HSD17B2: variants seen among roughly 807,000 people sequenced by gnomAD.
The protein encoded by HSD17B2 is 17-beta-hydroxysteroid dehydrogenase type 2.
Under a neutral mutation model 26.9 loss-of-function variants are expected in HSD17B2, and 32 were observed. The ratio of observed to expected loss-of-function variants is 1.19; its 90% CI spans 0.90 to 1.60. HSD17B2 has a LOEUF of 1.60. Ranked by LOEUF, HSD17B2 falls within the 40% of genes most tolerant of loss-of-function variation. The pLI is 0.00. For missense variants in HSD17B2, 613 were observed against 468.6 expected, an observed-to-expected ratio of 1.31 and a Z score of -2.85; for synonymous variants, 246 against 186.7, an observed-to-expected ratio of 1.32 and a Z score of -2.59.
intron 1 of HSD17B2, among the ~76,000 whole-genome samples, chr16:82,053,976 T>C (rs1440472691): frequency 1.3e-5 from 2 of 152,204 alleles, no homozygotes; most frequent in African/African-American, 2.4e-5. Flanking sequence ...AAGGTCACCA[T>C]GCTCATTAAG....
rs540087220 is a variant in HSD17B2, at chr16:82,061,211, T to C, written c.266-6959T>C. 4.6e-5 allele frequency among the ~76,000 whole-genome samples: 7 copies of C among 151,944 alleles called. No homozygotes were observed. In the South Asian group the frequency reaches 1.0e-3, roughly 23 times the overall value. On this transcript the variant is annotated intron_variant, in intron 1 of 4. Coordinates refer to ENST00000199936, the MANE Select transcript of HSD17B2 (RefSeq NM_002153.3). ...AGGCAGAGGATGCAGTAAGCCAAGA[T>C]TGTGCCACTGCACTCAAGCCTGGGT...
chr16:82,038,139 T>C (rs1033835566), intron 1 of HSD17B2, among the ~76,000 whole-genome samples: 1 of 152,138 alleles, frequency 6.6e-6, no homozygotes, highest in Non-Finnish European at 1.5e-5. Context: ...CAAAGACAAA[T>C]TTAAAAAAAT....
chr16:82,095,266 G>C (rs1270726408), intron 4 of HSD17B2: 1 of 152,204 alleles, frequency 6.6e-6, no homozygotes, highest in Admixed American at 6.5e-5. Context: ...TAATTGTCAT[G>C]ATAATCATTT....
At chr16:82,078,791 T>C (rs920511727) in intron 3 of HSD17B2, among the ~76,000 whole-genome samples, 2 of 152,238 alleles carry the variant, frequency 1.3e-5, no homozygotes, top group African/African-American at 4.8e-5. Context: ...ACTTCACATG[T>C]TCTCACTTAT....
At position 82,084,543 on chromosome 16, in the gene HSD17B2, T is replaced by A. The variant is rs574075043; in HGVS notation, c.665-6359T>A. Among the ~76,000 whole-genome samples, 199 of 147,086 alleles carry A rather than the reference T, an allele frequency of 1.4e-3. 1 individual carries two copies. Among genetic ancestry groups the A allele is most frequent in the Non-Finnish European group, 2.2e-3 (143 of 65,476 alleles). On this transcript the variant is annotated intron_variant, in intron 3 of 4. Transcript: ENST00000199936. Reference sequence around the variant, plus strand: ...CACAGTTGCCTGCCACATCAAACTGTTCTTTTTATTATTATTTTTTTTATT... The same window carrying A: ...CACAGTTGCCTGCCACATCAAACTGATCTTTTTATTATTATTTTTTTTATT...
intron 1 of HSD17B2, among the ~76,000 whole-genome samples, chr16:82,061,887 A>T (rs999168138): frequency 4.6e-5 from 7 of 152,192 alleles, no homozygotes; most frequent in Non-Finnish European, 1.0e-4. Context: ...GTAGCTTCCA[A>T]AGGACAGTGC....
At chr16:82,083,764 A>G (rs1274709311) in intron 3 of HSD17B2, among the ~76,000 whole-genome samples, 1 of 152,154 alleles carries the variant, frequency 6.6e-6, no homozygotes, top group Non-Finnish European at 1.5e-5. Context: ...GATGACCCCA[A>G]CAGGTAACTC....
rs8191135 is a variant in HSD17B2, at chr16:82,068,222, C to T, written c.318C>T (p.Gly106=). ...TGTGCAAGTATCTGGATGAGCTGGGCTTCACGGTATTTGCCGGAGTTTTGA... is the reference window on the plus strand; with the variant it reads ...TGTGCAAGTATCTGGATGAGCTGGGTTTCACGGTATTTGCCGGAGTTTTGA... ...HALCKYLDEL[G]FTVFAGVLNE... Residue 106 remains glycine (G), a synonymous_variant, in exon 2 of 5, where the codon GGC becomes GGT. Transcript: ENST00000199936. 15,087 of 1,614,134 alleles carry T rather than the reference C, an allele frequency of 9.3e-3. 282 individuals are homozygous for T. Among genetic ancestry groups the T allele is most frequent in the South Asian group, 0.056 (5,107 of 91,072 alleles).
intron 3 of HSD17B2, among the ~76,000 whole-genome samples, chr16:82,085,783 G>A (rs1403716353): frequency 6.6e-5 from 10 of 152,066 alleles, no homozygotes; most frequent in South Asian, 2.1e-4. Flanking sequence ...TGATGTTGGC[G>A]GTACTAATCC....
intron 3 of HSD17B2, among the ~76,000 whole-genome samples, chr16:82,075,564 A>G: frequency 6.6e-6 from 1 of 152,186 alleles, no homozygotes; most frequent in African/African-American, 2.4e-5. Flanking sequence ...AACTCAAAAG[A>G]TCATTAGAGG....
rs150027402 is a variant in HSD17B2 at position 82,091,100 on chromosome 16, T to C, written c.802+61T>C. 653 of 1,530,646 alleles carry C rather than the reference T, an allele frequency of 4.3e-4. 2 individuals are homozygous for C. The African/African-American group carries it at 8.2e-3, about 19-fold the overall frequency. 94.8% of individuals were successfully genotyped at this position (1,530,646 alleles called of 1,614,324 possible). On this transcript the variant is annotated intron_variant, in intron 4 of 4. Coordinates refer to ENST00000199936, the MANE Select transcript of HSD17B2 (RefSeq NM_002153.3). ...CCTGGAAGGAACCCCGAAGGTCCTC[T>C]TGGTCTGACAGAGCACACATTGAAC...
chr16:82,090,204 A>G (rs1597139562), intron 3 of HSD17B2: 40 of 982,320 alleles, frequency 4.1e-5, no homozygotes, highest in Non-Finnish European at 4.7e-5. Context: ...CCTCCCCACA[A>G]AAAGATATGT....
In HSD17B2 at chr16:82,090,883, TC is replaced by T; in HGVS notation, c.665-18del. On this transcript the variant is annotated intron_variant, in intron 3 of 4. Transcript: ENST00000199936. ...GAACATTTCTAACTTTGCTTCTTTT[TC>T]TCCCATTATTCCCATAGGAGGGGCC... 6.3e-7 allele frequency: 1 copy of T among 1,587,854 alleles called. No homozygotes were observed. Among genetic ancestry groups the T allele is most frequent in the Non-Finnish European group, 8.5e-7 (1 of 1,169,606 alleles).
chr16:82,090,942 A>T lies in HSD17B2; in HGVS notation c.705A>T (p.Ser235=). The change falls in exon 4 of 5, where the codon TCA becomes TCT. Residue 235 remains serine, a synonymous_variant. Coordinates refer to ENST00000199936, the MANE Select transcript of HSD17B2 (RefSeq NM_002153.3). ...PMERLASYGS[S]KAAVTMFSSV... is the part of the protein sequence containing the mutation. ...AAAGGCTGGCATCTTATGGCTCATC[A>T]AAGGCGGCTGTGACCATGTTCTCAT... The T allele has an allele frequency of 1.1e-5, 17 of 1,614,002 alleles. No homozygotes were observed. Among genetic ancestry groups the T allele is most frequent in the Non-Finnish European group, 1.4e-5 (17 of 1,179,886 alleles).
At chr16:82,076,718 G>T (rs758896243) in intron 3 of HSD17B2, among the ~76,000 whole-genome samples, 2 of 152,176 alleles carry the variant, frequency 1.3e-5, no homozygotes, top group Non-Finnish European at 2.9e-5. Context: ...GGGACTACAG[G>T]TGTGCGCCAC....
At position 82,035,388 on chromosome 16, in the gene HSD17B2, G is replaced by A. The variant is rs1913595224; in HGVS notation, c.-37G>A. The A allele has an allele frequency of 6.3e-7, 1 of 1,588,850 alleles. No individual in the cohort carries two copies. Among genetic ancestry groups the A allele is most frequent in the Admixed American group, 1.7e-5 (1 of 59,088 alleles). Reference sequence around the variant, plus strand: ...CCAGCCTTTGCCCGCTAGACTCACTGGCCCTGAGCACTTGAAGGTGCAGCA... The same window carrying A: ...CCAGCCTTTGCCCGCTAGACTCACTAGCCCTGAGCACTTGAAGGTGCAGCA... On this transcript the variant is annotated 5_prime_UTR_variant, in exon 1 of 5. Transcript: ENST00000199936.
chr16:82,081,623 G>A (rs780344657), intron 3 of HSD17B2, among the ~76,000 whole-genome samples: 13 of 152,160 alleles, frequency 8.5e-5, no homozygotes, highest in African/African-American at 2.4e-4. Flanking sequence ...ACATAGGAGC[G>A]TTCTGAGGCT....
chr16:82,054,932 C>G (rs1914220542), intron 1 of HSD17B2, among the ~76,000 whole-genome samples: 1 of 152,236 alleles, frequency 6.6e-6, no homozygotes, highest in Admixed American at 6.5e-5. Flanking sequence ...TGGCTGAAAG[C>G]AGAGTTTCTC....
intron 3 of HSD17B2, among the ~76,000 whole-genome samples, chr16:82,079,146 A>C (rs1262812284): frequency 6.6e-6 from 1 of 152,234 alleles, no homozygotes; most frequent in African/African-American, 2.4e-5. Flanking sequence ...GCACATAAAT[A>C]TATACACCAA....
Sources: gnomAD v4.1 joint callset for allele counts (sites outside exome capture counted in the v4.1 genomes callset) on GRCh38, gnomAD v4.1.1 for gene constraint, MANE v1.5 for transcripts, NCBI Gene and HGNC (gene_info 2026-07-23, HGNC 2026-07-21) for gene names.